The following ARHGAP30 variants were observed in gnomAD, a reference collection of about 807,000 sequenced individuals.
ARHGAP30 encodes the protein Rho GTPase activating protein 30.
A neutral mutation model predicts 72.0 loss-of-function variants in ARHGAP30; 23 were observed. The observed-to-expected ratio is 0.32, with a 90% CI of 0.23 to 0.45. The LOEUF (loss-of-function observed/expected upper bound fraction) is 0.45. Ranked by LOEUF, ARHGAP30 falls within the 20% of genes least tolerant of loss-of-function variation. The pLI, the probability that ARHGAP30 is intolerant of heterozygous loss-of-function variation, is 1.00. For missense variants in ARHGAP30, 1,319 were observed against 1,383.4 expected (o/e 0.95, Z 0.74); for synonymous variants, 576 against 528.2 (o/e 1.09, Z -1.24).
intron 5 of ARHGAP30, among the ~76,000 whole-genome samples, chr1:161,053,666 A>T (rs1651612428): frequency 6.6e-6 from 1 of 152,126 alleles, no homozygotes; most frequent in Non-Finnish European, 1.5e-5. Flanking sequence ...TTTATAATGA[A>T]TTTTATAATG....
rs371141356 is a variant in ARHGAP30, at chr1:161,056,352, G to A, written c.345+36C>T. The A allele has an allele frequency of 1.2e-5, 20 of 1,607,154 alleles. No individual in the cohort carries two copies. The South Asian group carries it at 2.2e-4, about 18-fold the overall frequency. ...TGTCAAAACCAGGCTGTCCACCCCT[G>A]AGCCCTGTCTTCCACCCCTCGGCCT... On this transcript the variant is annotated intron_variant, in intron 3 of 11. Transcript: ENST00000368013.
rs1022474030 is a variant in ARHGAP30, at chr1:161,047,979, T to C, written c.3042A>G (p.Gly1014=). The C allele has an allele frequency of 1.9e-6, 3 of 1,613,978 alleles. No homozygotes were observed. The highest frequency in any genetic ancestry group is 2.5e-6 in the Non-Finnish European group (3 of 1,180,004). ...CAGTACAGGTCTGGGTTCGCCGAACTCCTTGAGCCTCAGTCCTTTGGCGGT... is the reference window on the plus strand; with the variant it reads ...CAGTACAGGTCTGGGTTCGCCGAACCCCTTGAGCCTCAGTCCTTTGGCGGT... ...ARDRQRTEAQ[G]VRRTQTCTEG... is the part of the protein sequence containing the mutation. Residue 1014 remains glycine (G), a synonymous_variant, in exon 12 of 12, where the codon GGA becomes GGG. Coordinates refer to ENST00000368013, the MANE Select transcript of ARHGAP30 (RefSeq NM_001025598.2).
chr1:161,069,570 CA>C lies in ARHGAP30; in HGVS notation c.54del (p.Phe18LeufsTer20). The C allele has an allele frequency of 1.2e-6, 2 of 1,611,650 alleles. No individual in the cohort carries two copies. On this transcript the variant is annotated frameshift_variant, in exon 1 of 12. Coordinates refer to ENST00000368013, the MANE Select transcript of ARHGAP30 (RefSeq NM_001025598.2). LOFTEE classifies it high-confidence loss of function. This position sits in a 1 kb window ranked among gnomAD's most constrained non-coding sequence, Gnocchi z 4.9. ...TGCAGGTGCTCCTGCAAGTCGCACC[CA>C]AAAACCCGCTCCTTTGCGCTGCCCT... ...KKKGSAKERV[F>X]GCDLQEHLQH... is the part of the protein sequence containing the mutation.
chr1:161,058,314 AAAAT>A (rs566349493), intron 2 of ARHGAP30, among the ~76,000 whole-genome samples: 125 of 150,378 alleles, frequency 8.3e-4, no homozygotes, highest in African/African-American at 2.1e-3. Context: ...TCCATCCCAA[AAAAT>A]AAATAAATAA....
chr1:161,063,339 A>G (rs542159319), intron 1 of ARHGAP30, among the ~76,000 whole-genome samples: 1 of 152,354 alleles, frequency 6.6e-6, no homozygotes, highest in African/African-American at 2.4e-5. Flanking sequence ...TTTTATGGAC[A>G]TTTATTAGTT....
Position 161,049,169 on chromosome 1 carries a change from G to A in ARHGAP30, c.1852C>T (p.Pro618Ser), listed in dbSNP as rs1651156376. 1 of 1,614,048 alleles carries A rather than the reference G, an allele frequency of 6.2e-7. No homozygotes were observed. Among genetic ancestry groups the A allele is most frequent in the African/African-American group, 1.3e-5 (1 of 74,912 alleles). ...ATTGGGGGTTTAGGTCCCAGAAGGG[G>A]ACTTAGGTCATCATAGGCACTCAGG... ...VFLSAYDDLS[P>S]LLGPKPPIWK... is the part of the protein sequence containing the mutation. The change falls in exon 12 of 12, where the codon CCC (proline) becomes TCC (serine). Residue 618 changes from proline (P) to serine (S), a missense_variant. This residue lies in a region of ARHGAP30 where 1,097 missense variants were observed against 1,045.2 expected (regional missense o/e 1.05). Transcript: ENST00000368013.
intron 11 of ARHGAP30, 41 bp from the exon 12 acceptor site, chr1:161,049,375 TCCAC>T (rs1183788704): frequency 6.2e-7 from 1 of 1,600,296 alleles, no homozygotes; most frequent in Non-Finnish European, 8.5e-7. Context: ...GGAGGCCCTG[TCCAC>T]CCTTGACTCC....
intron 1 of ARHGAP30, among the ~76,000 whole-genome samples, chr1:161,063,253 A>C (rs1231617273): frequency 6.6e-6 from 1 of 152,242 alleles, no homozygotes; most frequent in African/African-American, 2.4e-5. Flanking sequence ...ATGTTTGTGA[A>C]ATTGTTGTGG....
intron 9 of ARHGAP30, 95 bp downstream of exon 9, chr1:161,052,191 G>T (rs1651454274): frequency 7.2e-7 from 1 of 1,380,788 alleles, no homozygotes; most frequent in Non-Finnish European, 1.0e-6. Context: ...AATATTTTTT[G>T]AAATTATTGA....
At chr1:161,059,517 C>T in intron 2 of ARHGAP30, 97 bp downstream of exon 2, 2 of 1,032,792 alleles carry the variant, frequency 1.9e-6, no homozygotes, top group South Asian at 1.5e-5. Flanking sequence ...CCCACTGCCT[C>T]TCACTCCCCA....
chr1:161,063,527 A>G (rs1340899811), intron 1 of ARHGAP30, among the ~76,000 whole-genome samples: 2 of 152,254 alleles, frequency 1.3e-5, no homozygotes, highest in African/African-American at 4.8e-5. Context: ...ATATCGTCTC[A>G]GGACCCCGTA....
At chr1:161,060,035 C>T in intron 1 of ARHGAP30, 1 of 331,646 alleles carries the variant, frequency 3.0e-6, no homozygotes, top group South Asian at 2.5e-5. Flanking sequence ...TAAGCCAGCA[C>T]CTTGAGAGGC....
chr1:161,052,934 C>G lies in ARHGAP30; in HGVS notation c.665-137G>C, dbSNP rs1651524682. 3.0e-5 allele frequency: 34 copies of G among 1,123,542 alleles called. 1 individual carries two copies. The South Asian group carries it at 5.5e-4, about 18-fold the overall frequency. The allele number at this position is 1,123,542 out of a possible 1,614,324, so 69.6% of individuals were successfully genotyped here. On this transcript the variant is annotated intron_variant, in intron 6 of 11. Transcript: ENST00000368013. ...GCCCCTGAAGACAGTGCCTCCATGT[C>G]CATCACCTCAAAAGAGTGCCCTCAT...
chr1:161,067,511 A>T (rs1652854124), intron 1 of ARHGAP30, among the ~76,000 whole-genome samples: 1 of 152,084 alleles, frequency 6.6e-6, no homozygotes, highest in Non-Finnish European at 1.5e-5. Flanking sequence ...CAGAGGTTGC[A>T]GTGAGCCGAG....
At chr1:161,065,228 G>A (rs1158106077) in intron 1 of ARHGAP30, among the ~76,000 whole-genome samples, 3 of 151,964 alleles carry the variant, frequency 2.0e-5, no homozygotes, top group Admixed American at 6.6e-5. Flanking sequence ...TGCCTGCCTC[G>A]GCCTCCTAAA....
chr1:161,050,297 T>G (rs1271293348), intron 10 of ARHGAP30, among the ~76,000 whole-genome samples: 5 of 139,034 alleles, frequency 3.6e-5, no homozygotes, highest in African/African-American at 1.3e-4. Context: ...ACTTGGACCT[T>G]TTTTTTTTTT....
intron 2 of ARHGAP30, among the ~76,000 whole-genome samples, chr1:161,058,227 G>T (rs564229772): frequency 1.4e-5 from 2 of 147,150 alleles, no homozygotes; most frequent in Non-Finnish European, 3.0e-5. Flanking sequence ...CAGGAGAATT[G>T]CTTGAACCTA....
intron 1 of ARHGAP30, among the ~76,000 whole-genome samples, chr1:161,062,908 A>G (rs1310409833): frequency 2.0e-5 from 3 of 151,402 alleles, no homozygotes; most frequent in Non-Finnish European, 4.4e-5. Flanking sequence ...TCCGCCTCCC[A>G]GGTTCAAGCG....
At chr1:161,066,923 CATAA>C (rs961046404) in intron 1 of ARHGAP30, among the ~76,000 whole-genome samples, 1 of 152,178 alleles carries the variant, frequency 6.6e-6, no homozygotes, top group Non-Finnish European at 1.5e-5. Context: ...TCTTTTGACT[CATAA>C]ATAGTCTGCT....
Sources: allele counts gnomAD v4.1 joint callset (sites outside exome capture counted in the v4.1 genomes callset), GRCh38; gene constraint gnomAD v4.1.1; regional missense constraint gnomAD v4.1.1; non-coding constraint Gnocchi (gnomAD v3.1); transcripts MANE v1.5; gene names NCBI Gene and HGNC (gene_info 2026-07-23, HGNC 2026-07-21).